The following HORMAD2 variants were observed in gnomAD, a reference collection of about 807,000 sequenced individuals.
HORMAD2 encodes HORMA domain containing 2.
Under a neutral mutation model 38.8 loss-of-function variants are expected in HORMAD2, and 45 were observed. That is an observed-to-expected ratio of 1.16 (90% CI 0.91 to 1.49). HORMAD2 has a LOEUF of 1.49. HORMAD2 is among the 40% of genes most tolerant of loss of function. The probability of loss-of-function intolerance (pLI) is 0.00; values close to 1 mark genes in which losing one functional copy is unlikely to be tolerated. For missense variants in HORMAD2, 338 were observed against 367.0 expected (o/e 0.92, Z 0.65); for synonymous variants, 126 against 122.8 (o/e 1.03, Z -0.17).
the HORMAD2 span, among the ~76,000 whole-genome samples, chr22:30,185,192 G>A: frequency 6.6e-6 from 1 of 152,192 alleles, no homozygotes; most frequent in African/African-American, 2.4e-5. Context: ...TGAGGGACCA[G>A]CCCATTCATC....
chr22:30,138,933 A>C (rs963309728), intron 10 of HORMAD2, among the ~76,000 whole-genome samples: 8 of 152,140 alleles, frequency 5.3e-5, no homozygotes, highest in African/African-American at 1.4e-4. Flanking sequence ...CTTTAAGTTA[A>C]GCAGGTTGCT....
intron 8 of HORMAD2, among the ~76,000 whole-genome samples, chr22:30,120,771 T>TCAAA (rs1222759025): frequency 2.6e-5 from 4 of 152,156 alleles, no homozygotes; most frequent in African/African-American, 9.7e-5. Flanking sequence ...AGAGAAGACT[T>TCAAA]CTTTGAAGAG....
intron 10 of HORMAD2, among the ~76,000 whole-genome samples, chr22:30,142,250 G>T (rs1207533980): frequency 6.6e-6 from 1 of 152,156 alleles, no homozygotes; most frequent in Non-Finnish European, 1.5e-5. Context: ...CTGCACTCCA[G>T]CCTGAGCAGC....
At chr22:30,132,593 CA>C (rs1923364358) in intron 10 of HORMAD2, among the ~76,000 whole-genome samples, 1 of 151,280 alleles carries the variant, frequency 6.6e-6, no homozygotes, top group Non-Finnish European at 1.5e-5. Context: ...ATTCTTTCTT[CA>C]TCATGAGACT....
At chr22:30,170,756 A>G (rs1001819564) in intron 10 of HORMAD2, among the ~76,000 whole-genome samples, 2 of 152,114 alleles carry the variant, frequency 1.3e-5, no homozygotes, top group Non-Finnish European at 2.9e-5. Flanking sequence ...AGCCTTCTCT[A>G]AATTCCCCAG....
Position 30,106,228 on chromosome 22 carries a change from C to G in HORMAD2, c.294+1791C>G, listed in dbSNP as rs188108184. ...GTTTCACCATGTTGGCTAGGCTTCT[C>G]TCGAACTCCTGACCTCAAGTGATCT... On this transcript the variant is annotated intron_variant, in intron 5 of 10. Coordinates refer to ENST00000336726, the MANE Select transcript of HORMAD2 (RefSeq NM_152510.4). Among the ~76,000 whole-genome samples the G allele has an allele frequency of 4.7e-3, 710 of 152,282 alleles. 2 individuals are homozygous for G. Among genetic ancestry groups the G allele is most frequent in the Non-Finnish European group, 7.1e-3 (484 of 68,020 alleles).
chr22:30,150,759 T>TA (rs1263869406), intron 10 of HORMAD2, among the ~76,000 whole-genome samples: 1 of 152,208 alleles, frequency 6.6e-6, no homozygotes, highest in Admixed American at 6.5e-5. Flanking sequence ...CAAATAGAGA[T>TA]AGAGGACTGA....
At chr22:30,104,544 T>G (rs1921045804) in intron 5 of HORMAD2, 107 bp downstream of exon 5, 2 of 815,988 alleles carry the variant, frequency 2.5e-6, no homozygotes, top group Non-Finnish European at 3.9e-6. Flanking sequence ...TATAAGTGTC[T>G]ACGTTTGCAT....
the HORMAD2 span, among the ~76,000 whole-genome samples, chr22:30,198,110 G>A: frequency 6.6e-6 from 1 of 152,120 alleles, no homozygotes; most frequent in Admixed American, 6.5e-5. Flanking sequence ...CTTGAACCCG[G>A]GAGGCGAAGG....
chr22:30,186,662 C>T, the HORMAD2 span, among the ~76,000 whole-genome samples: 2 of 152,058 alleles, frequency 1.3e-5, no homozygotes, highest in African/African-American at 4.8e-5. Context: ...ATTTGACTGT[C>T]TGCCACAAAG....
chr22:30,102,152 A>G (rs1333482064), intron 3 of HORMAD2, among the ~76,000 whole-genome samples: 1 of 152,244 alleles, frequency 6.6e-6, no homozygotes, highest in Non-Finnish European at 1.5e-5. Flanking sequence ...ATTTGCAATC[A>G]TGACAACCTC....
At chr22:30,127,057 G>T (rs1922917389) in intron 10 of HORMAD2, among the ~76,000 whole-genome samples, 1 of 151,816 alleles carries the variant, frequency 6.6e-6, no homozygotes, top group Non-Finnish European at 1.5e-5. Flanking sequence ...TTTTCTCTTG[G>T]ATTGTCTTTC....
chr22:30,171,069 C>A (rs1201412661), intron 10 of HORMAD2, among the ~76,000 whole-genome samples: 1 of 152,162 alleles, frequency 6.6e-6, no homozygotes, highest in Non-Finnish European at 1.5e-5. Flanking sequence ...TTATCTCTCT[C>A]TTTCTCAGTC....
chr22:30,175,213 T>TTA (rs1265710467), intron 10 of HORMAD2, among the ~76,000 whole-genome samples: 4 of 121,156 alleles, frequency 3.3e-5, no homozygotes, highest in Non-Finnish European at 5.3e-5. Context: ...AATATATATA[T>TTA]TATATATTAT....
chr22:30,185,088 TG>T, the HORMAD2 span, among the ~76,000 whole-genome samples: 1 of 152,134 alleles, frequency 6.6e-6, no homozygotes, highest in African/African-American at 2.4e-5. Context: ...ATAGAAGCAG[TG>T]GGTTATGACA....
chr22:30,107,917 G>A (rs1921323409), intron 5 of HORMAD2, among the ~76,000 whole-genome samples: 1 of 148,276 alleles, frequency 6.7e-6, no homozygotes, highest in Admixed American at 6.8e-5. Context: ...TGCCCAGGCT[G>A]GAGTGCAGTG....
intron 8 of HORMAD2, 140 bp from the exon 9 acceptor site, chr22:30,121,492 C>G: frequency 1.7e-6 from 1 of 599,696 alleles, no homozygotes; most frequent in Non-Finnish European, 2.6e-6. Context: ...CCATCGCTCC[C>G]CTAATTTACA....
At chr22:30,098,019 G>C (rs1187382728) in intron 2 of HORMAD2, among the ~76,000 whole-genome samples, 1 of 152,194 alleles carries the variant, frequency 6.6e-6, no homozygotes, top group African/African-American at 2.4e-5. Flanking sequence ...TTCTAGCCTG[G>C]ATGACTGGAG....
At chr22:30,092,115 A>G (rs1345794319) in intron 1 of HORMAD2, among the ~76,000 whole-genome samples, 6 of 150,388 alleles carry the variant, frequency 4.0e-5, no homozygotes, top group Non-Finnish European at 8.9e-5. Context: ...TCTTGACCTC[A>G]GGTGATCCAC....
Sources: allele counts gnomAD v4.1 joint callset (sites outside exome capture counted in the v4.1 genomes callset), GRCh38; gene constraint gnomAD v4.1.1; transcripts MANE v1.5; gene names NCBI Gene and HGNC (gene_info 2026-07-23, HGNC 2026-07-21).